RALYL: variants seen among roughly 807,000 people sequenced by gnomAD.
The protein encoded by RALYL is RNA-binding Raly-like protein.
Under a neutral mutation model 35.1 loss-of-function variants are expected in RALYL, and 29 were observed. That is an observed-to-expected ratio of 0.83 (90% CI 0.61 to 1.13). The LOEUF is 1.13. Among genes scored for constraint, RALYL ranks in the 50% most tolerant of loss-of-function variants. RALYL has a pLI of 0.00. For synonymous variants in RALYL, 120 were observed against 127.6 expected (o/e 0.94, Z 0.40); for missense variants, 359 against 360.4 (o/e 1.00, Z 0.03).
At chr8:84,519,184 A>C (rs1047407573) in intron 1 of RALYL, among the ~76,000 whole-genome samples, 1 of 152,196 alleles carries the variant, frequency 6.6e-6, no homozygotes, top group Non-Finnish European at 1.5e-5. Context: ...TTATTAAGTA[A>C]CAGAAGAAGG....
chr8:84,379,924 T>C (rs569210738), intron 1 of RALYL, among the ~76,000 whole-genome samples: 1 of 151,904 alleles, frequency 6.6e-6, no homozygotes, highest in East Asian at 1.9e-4. Flanking sequence ...GTTTTAATAC[T>C]GTTTCATTAA....
At chr8:84,266,761 C>T (rs533793795) in intron 1 of RALYL, among the ~76,000 whole-genome samples, 2 of 152,108 alleles carry the variant, frequency 1.3e-5, no homozygotes, top group Admixed American at 6.5e-5. Flanking sequence ...GAGATCGAGA[C>T]CATCCGGGCT....
At chr8:84,672,314 A>G (rs949865796) in intron 2 of RALYL, among the ~76,000 whole-genome samples, 1 of 152,182 alleles carries the variant, frequency 6.6e-6, no homozygotes, top group African/African-American at 2.4e-5. Flanking sequence ...AAGCCATTCA[A>G]CAATTCTCTA....
At chr8:84,699,006 A>ATAGATAGG (rs1168901594) in intron 2 of RALYL, among the ~76,000 whole-genome samples, 1 of 13,426 alleles carries the variant, frequency 7.4e-5, no homozygotes, top group African/African-American at 2.6e-4. Context: ...AGGTAGGTAC[A>ATAGATAGG]TAGATAGATA....
At chr8:84,594,126 A>G (rs1224405033) in intron 2 of RALYL, among the ~76,000 whole-genome samples, 1 of 151,950 alleles carries the variant, frequency 6.6e-6, no homozygotes, top group Non-Finnish European at 1.5e-5. Flanking sequence ...CATTCAGTTC[A>G]TATTTCTGGC....
intron 8 of RALYL, among the ~76,000 whole-genome samples, chr8:84,919,662 TAGAG>T (rs1055737592): frequency 1.3e-5 from 2 of 151,860 alleles, no homozygotes; most frequent in Admixed American, 6.6e-5. Context: ...AGGAGAGAAA[TAGAG>T]AGAAAGAGAA....
chr8:84,753,917 T>C (rs1810705583), intron 2 of RALYL, among the ~76,000 whole-genome samples: 1 of 152,162 alleles, frequency 6.6e-6, no homozygotes, highest in Non-Finnish European at 1.5e-5. Flanking sequence ...TCATGTGTTT[T>C]TTGGCTGCAT....
At chr8:84,642,258 C>T (rs1826518335) in intron 2 of RALYL, among the ~76,000 whole-genome samples, 1 of 151,966 alleles carries the variant, frequency 6.6e-6, no homozygotes, top group African/African-American at 2.4e-5. Context: ...AAAATTGGAA[C>T]CTCTTCACAT....
intron 2 of RALYL, among the ~76,000 whole-genome samples, chr8:84,728,264 G>A (rs13264617): frequency 0.9 from 137,290 of 152,122 alleles, 62,293 homozygotes; most frequent in East Asian, 1. Flanking sequence ...TGGCTACATA[G>A]ATGTCTTCTT....
chr8:84,507,879 A>G (rs367821609), intron 1 of RALYL, among the ~76,000 whole-genome samples: 8 of 152,272 alleles, frequency 5.3e-5, no homozygotes, highest in African/African-American at 1.9e-4. Context: ...GTTCTGGCAG[A>G]CCCTAAATAC....
At chr8:84,324,920 C>T (rs1845537522) in intron 1 of RALYL, among the ~76,000 whole-genome samples, 1 of 152,098 alleles carries the variant, frequency 6.6e-6, no homozygotes, top group African/African-American at 2.4e-5. Context: ...CATGTAAAGG[C>T]CCTTGTTACT....
chr8:84,438,716 G>A (rs1350118654), intron 1 of RALYL, among the ~76,000 whole-genome samples: 2 of 151,928 alleles, frequency 1.3e-5, no homozygotes, highest in African/African-American at 4.8e-5. Context: ...ATAGTTTGCG[G>A]TCTTATATTT....
chr8:84,287,879 A>C (rs1310386955), intron 1 of RALYL, among the ~76,000 whole-genome samples: 3 of 152,112 alleles, frequency 2.0e-5, no homozygotes, highest in African/African-American at 7.2e-5. Flanking sequence ...AGTCTAGGGC[A>C]CTCTTGATGG....
chr8:84,745,105 G>A (rs532498054), intron 2 of RALYL, among the ~76,000 whole-genome samples: 1 of 151,014 alleles, frequency 6.6e-6, no homozygotes, highest in East Asian at 2.0e-4. Context: ...ACACATCTGA[G>A]TATTACCTTG....
chr8:84,900,214 A>T (rs1845432537), intron 8 of RALYL, among the ~76,000 whole-genome samples: 1 of 152,208 alleles, frequency 6.6e-6, no homozygotes, highest in Admixed American at 6.6e-5. Context: ...AATGAGAAGC[A>T]GCTTAAAAAT....
intron 1 of RALYL, among the ~76,000 whole-genome samples, chr8:84,321,404 C>CT (rs1267874534): frequency 1.3e-5 from 2 of 152,078 alleles, no homozygotes; most frequent in Non-Finnish European, 2.9e-5. Flanking sequence ...GATCTGCTTA[C>CT]TTGAAGCAGA....
chr8:84,574,137 T>C (rs1378220746), intron 2 of RALYL, among the ~76,000 whole-genome samples: 1 of 152,058 alleles, frequency 6.6e-6, no homozygotes, highest in Non-Finnish European at 1.5e-5. Context: ...TACTTGTGGA[T>C]TAGCTTGTTT....
chr8:84,558,639 A>G (rs553838083), intron 2 of RALYL, among the ~76,000 whole-genome samples: 1 of 152,130 alleles, frequency 6.6e-6, no homozygotes, highest in East Asian at 1.9e-4. Context: ...TGCAATTATG[A>G]GGGTTTTTTT....
intron 1 of RALYL, among the ~76,000 whole-genome samples, chr8:84,298,975 T>C (rs1490252327): frequency 6.6e-6 from 1 of 152,024 alleles, no homozygotes; most frequent in Non-Finnish European, 1.5e-5. Context: ...ACTATAGAGT[T>C]TTCTAGGTAT....
Sources: allele counts gnomAD v4.1 joint callset (sites outside exome capture counted in the v4.1 genomes callset), GRCh38; gene constraint gnomAD v4.1.1; transcripts MANE v1.5; gene names NCBI Gene and HGNC (gene_info 2026-07-23, HGNC 2026-07-21).